The following MRAP2 variants were observed in gnomAD, a reference collection of about 807,000 sequenced individuals.
The protein encoded by MRAP2 is melanocortin 2 receptor accessory protein 2.
In MRAP2, 20 loss-of-function variants were observed where a neutral mutation model predicts 17.4. That is an observed-to-expected ratio of 1.15 (90% CI 0.81 to 1.67). MRAP2 has a LOEUF of 1.67. MRAP2 is among the 40% of genes most tolerant of loss of function. The pLI, the probability that MRAP2 is intolerant of heterozygous loss-of-function variation, is 0.00. For synonymous variants in MRAP2, 96 were observed against 88.4 expected, an observed-to-expected ratio of 1.09 and a Z score of -0.48; for missense variants, 238 against 240.0, an observed-to-expected ratio of 0.99 and a Z score of 0.05.
At chr6:84,055,556 T>C in intron 2 of MRAP2, 111 bp downstream of exon 2, 1 of 1,059,116 alleles carries the variant, frequency 9.4e-7, no homozygotes, top group Non-Finnish European at 1.4e-6. Context: ...GAACTCTCTG[T>C]CCTCTACCTC....
Position 84,083,286 on chromosome 6 carries a change from A to G in MRAP2, c.228-5805A>G, listed in dbSNP as rs561716683. ...ATGCCTGGCCTGTTTACTTTTAACA[A>G]TTATACCTGGATTACTCATAGAAAC... On this transcript the variant is annotated intron_variant, in intron 3 of 3. Coordinates refer to ENST00000257776, the MANE Select transcript of MRAP2 (RefSeq NM_138409.4). 4.1e-4 allele frequency among the ~76,000 whole-genome samples: 63 copies of G among 152,332 alleles called. 1 individual carries two copies. In the South Asian group the frequency reaches 0.011, roughly 27 times the overall value.
chr6:84,131,996 C>T, the MRAP2 span, among the ~76,000 whole-genome samples: 12 of 152,206 alleles, frequency 7.9e-5, no homozygotes, highest in East Asian at 1.9e-4. Flanking sequence ...TTCCTTTCCA[C>T]GTTTAGTGCT....
rs1290291552 is a variant in MRAP2 at position 84,090,880 on chromosome 6, C to T, written c.*1399C>T. 6.6e-6 allele frequency: 1 copy of T among 152,182 alleles called. No individual in the cohort carries two copies. Among genetic ancestry groups the T allele is most frequent in the East Asian group, 1.9e-4 (1 of 5,202 alleles). The allele number at this position is 152,182 out of a possible 1,614,324, so 9.4% of individuals were successfully genotyped here. A position where few individuals can be genotyped will look rare whatever the true frequency, so the allele number is the denominator to read the frequency against. On this transcript the variant is annotated 3_prime_UTR_variant, in exon 4 of 4. Transcript: ENST00000257776. The stretch of plus-strand genomic sequence containing the variant: ...GCTACAAAATAAATGCATTTGACTG[C>T]ACAGAAATTTCCTCTGGTTCTTTAT...
chr6:84,086,744 C>T (rs908484903), intron 3 of MRAP2, among the ~76,000 whole-genome samples: 1 of 152,150 alleles, frequency 6.6e-6, no homozygotes, highest in Admixed American at 6.5e-5. Flanking sequence ...GCAGGAAAGG[C>T]ACCTCAGAGG....
chr6:84,058,329 A>G lies in MRAP2; in HGVS notation c.127+2884A>G, dbSNP rs73483222. On this transcript the variant is annotated intron_variant, in intron 2 of 3. Coordinates refer to ENST00000257776, the MANE Select transcript of MRAP2 (RefSeq NM_138409.4). ...CATACATTCTGGATATTTTTAAAAG[A>G]TGGATCTGGCAAGATTTGTCAATGG... Among the ~76,000 whole-genome samples the G allele has an allele frequency of 2.8e-3, 433 of 152,310 alleles. 1 individual carries two copies. Among genetic ancestry groups the G allele is most frequent in the African/African-American group, 1.0e-2 (414 of 41,558 alleles).
At chr6:84,077,649 A>G (rs1308086435) in intron 3 of MRAP2, among the ~76,000 whole-genome samples, 2 of 152,044 alleles carry the variant, frequency 1.3e-5, no homozygotes, top group Admixed American at 6.6e-5. Context: ...TAACTATTCT[A>G]TTTTTTTGAT....
chr6:84,115,938 A>G, the MRAP2 span, among the ~76,000 whole-genome samples: 6,458 of 152,180 alleles, frequency 0.042, 197 homozygotes, highest in Admixed American at 0.086. Context: ...AGTGAGATGA[A>G]CCAAGTACCT....
intron 1 of MRAP2, among the ~76,000 whole-genome samples, chr6:84,041,313 C>A (rs781179022): frequency 6.6e-6 from 1 of 152,222 alleles, no homozygotes; most frequent in Non-Finnish European, 1.5e-5. Flanking sequence ...GGATGTCCAG[C>A]CAGAAGTGTG....
intron 1 of MRAP2, among the ~76,000 whole-genome samples, chr6:84,043,022 TACC>T (rs568623860): frequency 8.1e-4 from 123 of 152,182 alleles, no homozygotes; most frequent in Admixed American, 1.9e-3. Context: ...TGGAGACAGA[TACC>T]ACAAGCCAAA....
intron 2 of MRAP2, among the ~76,000 whole-genome samples, chr6:84,055,885 G>A (rs910120673): frequency 1.3e-5 from 2 of 152,192 alleles, no homozygotes; most frequent in African/African-American, 4.8e-5. Context: ...GTGTATCCAT[G>A]TGTGCTCATA....
chr6:84,055,284 C>T (rs1980907), intron 1 of MRAP2, 28 bp from the exon 2 acceptor site: 1 of 1,595,336 alleles, frequency 6.3e-7, no homozygotes, highest in Non-Finnish European at 8.5e-7. Context: ...TTAACAGGTT[C>T]TGCGCTTGAC....
At chr6:84,041,274 T>A (rs2129158294) in intron 1 of MRAP2, among the ~76,000 whole-genome samples, 1 of 152,334 alleles carries the variant, frequency 6.6e-6, no homozygotes, top group South Asian at 2.1e-4. Context: ...AACCTCCACC[T>A]AGATTACAGA....
At chr6:84,037,798 GCC>G (rs2099486539) in intron 1 of MRAP2, among the ~76,000 whole-genome samples, 1 of 152,032 alleles carries the variant, frequency 6.6e-6, no homozygotes, top group African/African-American at 2.4e-5. Flanking sequence ...ACGCTGGCCA[GCC>G]CGGGTTCCTG....
intron 3 of MRAP2, among the ~76,000 whole-genome samples, chr6:84,086,930 C>G (rs1249069205): frequency 6.6e-6 from 1 of 152,216 alleles, no homozygotes; most frequent in East Asian, 1.9e-4. Context: ...TCACACTCAG[C>G]TGGTGCCACA....
At chr6:84,065,284 C>CA (rs34029427) in intron 3 of MRAP2, among the ~76,000 whole-genome samples, 18,254 of 135,458 alleles carry the variant, frequency 0.13, 1,919 homozygotes, top group African/African-American at 0.3. Flanking sequence ...GACCCTGTCT[C>CA]AAAAAAAAAA....
chr6:84,125,109 T>C, the MRAP2 span: 2 of 1,613,228 alleles, frequency 1.2e-6, no homozygotes, highest in Middle Eastern at 1.7e-4. Context: ...CAAAAGCAAC[T>C]GGCACAACCA....
chr6:84,111,407 G>T, the MRAP2 span, among the ~76,000 whole-genome samples: 1 of 151,806 alleles, frequency 6.6e-6, no homozygotes, highest in East Asian at 1.9e-4. Context: ...CTCTCTCTTT[G>T]TCTATTATTT....
At chr6:84,069,504 G>C (rs2099495640) in intron 3 of MRAP2, among the ~76,000 whole-genome samples, 1 of 152,058 alleles carries the variant, frequency 6.6e-6, no homozygotes, top group Non-Finnish European at 1.5e-5. Context: ...CTAGTATTTT[G>C]ATAAGGATTT....
At chr6:84,134,737 C>T in the MRAP2 span, among the ~76,000 whole-genome samples, 1 of 152,152 alleles carries the variant, frequency 6.6e-6, no homozygotes, top group African/African-American at 2.4e-5. Flanking sequence ...GTAGAAATCA[C>T]TTTCCTTCTG....
Sources: allele counts gnomAD v4.1 joint callset (sites outside exome capture counted in the v4.1 genomes callset), GRCh38; gene constraint gnomAD v4.1.1; transcripts MANE v1.5; gene names NCBI Gene and HGNC (gene_info 2026-07-23, HGNC 2026-07-21).